The following PBX1 variants were observed in gnomAD, a reference collection of about 807,000 sequenced individuals.
PBX1 encodes the protein PBX homeobox 1, also known as pre-B-cell leukemia transcription factor 1.
Under a neutral mutation model 53.4 loss-of-function variants are expected in PBX1, and 6 were observed. That is an observed-to-expected ratio of 0.11 (90% confidence interval 0.06 to 0.22). The LOEUF (loss-of-function observed/expected upper bound fraction) is 0.22, where lower values mean the gene tolerates loss of function less well. Ranked by LOEUF, PBX1 falls within the 10% of genes least tolerant of loss-of-function variation. The pLI is 1.00. For missense variants in PBX1, 251 were observed against 551.4 expected, an observed-to-expected ratio of 0.46 and a Z score of 5.46; for synonymous variants, 204 against 212.3, an observed-to-expected ratio of 0.96 and a Z score of 0.34.
chr1:164,632,156 T>C (rs565710798), intron 2 of PBX1, among the ~76,000 whole-genome samples: 2 of 152,228 alleles, frequency 1.3e-5, no homozygotes, highest in South Asian at 2.1e-4. Context: ...CCATGATTAC[T>C]TGTGGCTGAC....
downstream of PBX1, among the ~76,000 whole-genome samples, chr1:164,856,509 C>T (rs1231598652): frequency 6.6e-6 from 1 of 152,064 alleles, no homozygotes; most frequent in African/African-American, 2.4e-5. Context: ...CTGTCCAAAG[C>T]TTCCACTGTT....
At chr1:164,803,794 T>C (rs1418677126) in intron 4 of PBX1, among the ~76,000 whole-genome samples, 1 of 152,206 alleles carries the variant, frequency 6.6e-6, no homozygotes, top group East Asian at 1.9e-4. Flanking sequence ...GGAAGATGTA[T>C]GGGAAGTTAT....
chr1:164,782,326 G>A (rs1016558054), intron 2 of PBX1, among the ~76,000 whole-genome samples: 2 of 152,170 alleles, frequency 1.3e-5, no homozygotes, highest in African/African-American at 4.8e-5. Flanking sequence ...TCCTCTGTCT[G>A]TCCTTGGTCT....
At chr1:164,586,039 G>A (rs2101753176) in intron 2 of PBX1, among the ~76,000 whole-genome samples, 1 of 152,264 alleles carries the variant, frequency 6.6e-6, no homozygotes, top group South Asian at 2.1e-4. Context: ...AACAACTGGG[G>A]AACCTGGCAG....
At chr1:164,583,951 A>G (rs1461433372) in intron 2 of PBX1, among the ~76,000 whole-genome samples, 2 of 152,154 alleles carry the variant, frequency 1.3e-5, no homozygotes, top group East Asian at 1.9e-4. Flanking sequence ...TATGTTCTCA[A>G]AGAAAGTCCT....
intron 2 of PBX1, among the ~76,000 whole-genome samples, chr1:164,865,586 G>A (rs1034516264): frequency 6.6e-6 from 1 of 152,176 alleles, no homozygotes; most frequent in African/African-American, 2.4e-5. Context: ...CTAAGTAGGT[G>A]CTATTATTAT....
chr1:164,647,031 G>A (rs1659495924), intron 2 of PBX1, among the ~76,000 whole-genome samples: 1 of 152,202 alleles, frequency 6.6e-6, no homozygotes, highest in Non-Finnish European at 1.5e-5. Context: ...TACAGGCTCG[G>A]GGGTCCCACC....
chr1:164,734,520 CTT>C (rs1665165540), intron 2 of PBX1, among the ~76,000 whole-genome samples: 4 of 152,174 alleles, frequency 2.6e-5, no homozygotes, highest in Admixed American at 2.0e-4. Context: ...ATTGAGTACT[CTT>C]TGCCCCATAT....
chr1:164,658,534 G>A (rs1032315471), intron 2 of PBX1, among the ~76,000 whole-genome samples: 1 of 152,154 alleles, frequency 6.6e-6, no homozygotes, highest in East Asian at 1.9e-4. Flanking sequence ...TTTTTCTCTG[G>A]ATTGCAGCTT....
At chr1:164,872,880 A>T (rs1205371789) in intron 2 of PBX1, among the ~76,000 whole-genome samples, 2 of 152,138 alleles carry the variant, frequency 1.3e-5, no homozygotes, top group Non-Finnish European at 2.9e-5. Flanking sequence ...ACATTTTTGG[A>T]TCCTGATTTT....
At chr1:164,608,306 A>G (rs1452165272) in intron 2 of PBX1, among the ~76,000 whole-genome samples, 3 of 152,226 alleles carry the variant, frequency 2.0e-5, no homozygotes, top group African/African-American at 7.2e-5. Flanking sequence ...CATCCTTTAG[A>G]AGGAATGGGA....
intron 2 of PBX1, among the ~76,000 whole-genome samples, chr1:164,751,877 C>T (rs1387296360): frequency 9.9e-5 from 15 of 151,864 alleles, no homozygotes; most frequent in Admixed American, 2.6e-4. Context: ...CCACCACGCC[C>T]GGCCAGTTTA....
chr1:164,709,849 C>G (rs1663652997), intron 2 of PBX1, among the ~76,000 whole-genome samples: 1 of 152,104 alleles, frequency 6.6e-6, no homozygotes, highest in South Asian at 2.1e-4. Flanking sequence ...AGTGAAATAC[C>G]AGAAGTCGTC....
intron 2 of PBX1, among the ~76,000 whole-genome samples, chr1:164,710,844 A>G (rs1156811093): frequency 6.6e-6 from 1 of 152,226 alleles, no homozygotes; most frequent in Non-Finnish European, 1.5e-5. Context: ...ATTGTGAAAC[A>G]TGAATATTGA....
At chr1:164,667,955 C>T (rs1660900939) in intron 2 of PBX1, among the ~76,000 whole-genome samples, 1 of 152,212 alleles carries the variant, frequency 6.6e-6, no homozygotes, top group African/African-American at 2.4e-5. Flanking sequence ...CCTGGCTGTA[C>T]ACAAATGGCT....
At position 164,559,922 on chromosome 1, in the gene PBX1, G is replaced by C; in HGVS notation, c.100G>C (p.Glu34Gln). 1 of 1,548,270 alleles carries C rather than the reference G, an allele frequency of 6.5e-7. No individual in the cohort carries two copies. The highest frequency in any genetic ancestry group is 8.7e-7 in the Non-Finnish European group (1 of 1,145,110). Residue 34 changes from glutamate (E) to glutamine (Q), a missense_variant, in exon 1 of 9, where the codon GAG becomes CAG. Physicochemically the swap from Glu to Gln is conservative, Grantham distance 29. This residue lies in a region of PBX1 where 63 missense variants were observed against 78.7 expected (regional missense o/e 0.80). Coordinates refer to ENST00000420696, the MANE Select transcript of PBX1 (RefSeq NM_002585.4). ...CTTGCAGGATGGGGCCGGAGGGACC[G>C]AGGGGGAGGGCGGGAGGAAGCAGGA... ...QHLQDGAGGT[E>Q]GEGGRKQDIG...
chr1:164,838,768 T>G (rs1671160774), intron 8 of PBX1, among the ~76,000 whole-genome samples: 1 of 152,118 alleles, frequency 6.6e-6, no homozygotes. Context: ...CCTATAACTG[T>G]GCAGTTATGC....
rs568032654 is a variant in PBX1, at chr1:164,708,670, G to A, written c.266-83824G>A. Among the ~76,000 whole-genome samples the A allele has an allele frequency of 1.1e-4, 16 of 152,210 alleles. No individual in the cohort carries two copies. The East Asian group carries it at 1.9e-3, about 18-fold the overall frequency. ...GCAGTATTTGATTTTTTGTTTCTGC[G>A]TTAAATCACTTAGGATAATGGCCTC... On this transcript the variant is annotated intron_variant, in intron 2 of 8. Coordinates refer to ENST00000420696, the MANE Select transcript of PBX1 (RefSeq NM_002585.4).
At chr1:164,769,786 A>G (rs1667270079) in intron 2 of PBX1, 1 of 152,198 alleles carries the variant, frequency 6.6e-6, no homozygotes. Flanking sequence ...ATTTTGGTCT[A>G]TAAAAAAAGT....
Sources: gnomAD v4.1 joint callset for allele counts (sites outside exome capture counted in the v4.1 genomes callset) on GRCh38, gnomAD v4.1.1 for gene constraint, gnomAD v4.1.1 regional missense constraint, MANE v1.5 for transcripts, NCBI Gene and HGNC (gene_info 2026-07-23, HGNC 2026-07-21) for gene names.